Variants in TRIM71 observed in about 807,000 individuals in gnomAD.
TRIM71 encodes the protein E3 ubiquitin-protein ligase TRIM71.
In TRIM71, 9 loss-of-function variants were observed where a neutral mutation model predicts 61.2. That is an observed-to-expected ratio of 0.15 (90% CI 0.09 to 0.26). The LOEUF (loss-of-function observed/expected upper bound fraction) is 0.26, where lower values mean the gene tolerates loss of function less well. TRIM71 is among the 10% of genes least tolerant of loss of function. The pLI is 1.00. For synonymous variants in TRIM71, 645 were observed against 553.2 expected (o/e 1.17, Z -2.33); for missense variants, 998 against 1,238.7 (o/e 0.81, Z 2.92).
At chr3:32,881,202 A>G (rs143465693) in intron 2 of TRIM71, among the ~76,000 whole-genome samples, 336 of 152,172 alleles carry the variant, frequency 2.2e-3, no homozygotes, top group African/African-American at 7.9e-3. Context: ...TATCTTCAGT[A>G]GAGACGGGGT....
At chr3:32,862,092 G>A (rs993196218) in intron 1 of TRIM71, among the ~76,000 whole-genome samples, 5 of 152,174 alleles carry the variant, frequency 3.3e-5, no homozygotes, top group African/African-American at 1.2e-4. Flanking sequence ...GGGAGCAGGT[G>A]GGAGGCATTG....
At chr3:32,862,104 C>CT (rs1696675663) in intron 1 of TRIM71, among the ~76,000 whole-genome samples, 1 of 152,040 alleles carries the variant, frequency 6.6e-6, no homozygotes, top group Non-Finnish European at 1.5e-5. Context: ...GAGGCATTGC[C>CT]TAGAAAGGTA....
chr3:32,873,326 G>C (rs947344705), intron 1 of TRIM71, among the ~76,000 whole-genome samples: 1 of 152,150 alleles, frequency 6.6e-6, no homozygotes, highest in Non-Finnish European at 1.5e-5. Context: ...CCTGTGGTGT[G>C]AGGATGGTTG....
At chr3:32,834,400 C>T (rs1285617644) in intron 1 of TRIM71, among the ~76,000 whole-genome samples, 1 of 151,770 alleles carries the variant, frequency 6.6e-6, no homozygotes, top group East Asian at 1.9e-4. Flanking sequence ...CTAAAGTTAT[C>T]TGTCTTATCT....
rs555803138 is a variant in TRIM71, at chr3:32,845,553, C to G, written c.852+26621C>G. Among the ~76,000 whole-genome samples, 11 of 152,166 alleles carry G rather than the reference C, an allele frequency of 7.2e-5. No individual in the cohort carries two copies. In the South Asian group the frequency reaches 2.1e-3, roughly 29 times the overall value. ...CTGGGGGTTACTCACAGGTACAAAC[C>G]CTTTCTTTAACTCAGTGGTCACTAG... On this transcript the variant is annotated intron_variant, in intron 1 of 3. Transcript: ENST00000383763.
At chr3:32,860,212 G>A (rs1575351618) in intron 1 of TRIM71, among the ~76,000 whole-genome samples, 5 of 148,100 alleles carry the variant, frequency 3.4e-5, no homozygotes, top group African/African-American at 1.2e-4. Context: ...AGGCTGGAGT[G>A]CAATGGTGCG....
chr3:32,885,854 G>C, intron 2 of TRIM71, 80 bp from the exon 3 acceptor site: 1 of 1,529,096 alleles, frequency 6.5e-7, no homozygotes, highest in Non-Finnish European at 8.8e-7. Context: ...TTTCAAGTCT[G>C]ACAGAGCAGA....
At chr3:32,860,251 C>G (rs561566830) in intron 1 of TRIM71, among the ~76,000 whole-genome samples, 2 of 151,616 alleles carry the variant, frequency 1.3e-5, no homozygotes, top group East Asian at 1.9e-4. Flanking sequence ...CTCCACTTCC[C>G]GGGTTCAAGC....
At chr3:32,826,145 A>AC (rs1240103202) in intron 1 of TRIM71, among the ~76,000 whole-genome samples, 1 of 152,162 alleles carries the variant, frequency 6.6e-6, no homozygotes, top group Non-Finnish European at 1.5e-5. Context: ...AATGAAATGA[A>AC]ATGGGGGAAG....
intron 1 of TRIM71, among the ~76,000 whole-genome samples, chr3:32,857,804 G>C (rs1399366539): frequency 3.3e-5 from 5 of 152,070 alleles, no homozygotes; most frequent in Admixed American, 2.6e-4. Context: ...AACCGTGTCT[G>C]TACTAAAAAC....
In TRIM71 at chr3:32,824,969, A is replaced by G. The variant is rs1426977942; in HGVS notation, c.852+6037A>G. On this transcript the variant is annotated intron_variant, in intron 1 of 3. Coordinates refer to ENST00000383763, the MANE Select transcript of TRIM71 (RefSeq NM_001039111.3). ...GCCACCATGCCTGGCTAATTTTTGT[A>G]TTTTTAGTGGAGACGGTGTTTCACC... Among the ~76,000 whole-genome samples the G allele has an allele frequency of 2.6e-5, 4 of 151,598 alleles. No individual in the cohort carries two copies. In the East Asian group the frequency reaches 7.8e-4, roughly 30 times the overall value.
chr3:32,880,880 T>C (rs1287108236), intron 2 of TRIM71, among the ~76,000 whole-genome samples: 1 of 152,210 alleles, frequency 6.6e-6, no homozygotes, highest in Non-Finnish European at 1.5e-5. Context: ...TCAATTACTA[T>C]ATTTCATCAC....
chr3:32,855,940 GTTGGTGCTGACTTAGGCAGAGC>G (rs1696598509), intron 1 of TRIM71, among the ~76,000 whole-genome samples: 1 of 152,228 alleles, frequency 6.6e-6, no homozygotes, highest in African/African-American at 2.4e-5. Flanking sequence ...GGAGTTCATT[GTTGGTGCTGACTTAGGCAGAGC>G]TAGAAGGTAC....
chr3:32,871,400 T>TGTTAGAAGCAGGGAGGCCACCCGAA (rs1696793799), intron 1 of TRIM71, among the ~76,000 whole-genome samples: 1 of 152,204 alleles, frequency 6.6e-6, no homozygotes, highest in South Asian at 2.1e-4. Context: ...GTTGCTTAGC[T>TGTTAGAAGCAGGGAGGCCACCCGAA]GTTAGAAGCA....
intron 1 of TRIM71, among the ~76,000 whole-genome samples, chr3:32,853,794 G>T (rs1045040183): frequency 2.0e-5 from 3 of 152,136 alleles, no homozygotes; most frequent in African/African-American, 4.8e-5. Context: ...ATCACTTGAG[G>T]CCAGGAGTTT....
At chr3:32,836,149 T>TG (rs1433843967) in intron 1 of TRIM71, among the ~76,000 whole-genome samples, 1 of 152,130 alleles carries the variant, frequency 6.6e-6, no homozygotes, top group East Asian at 1.9e-4. Context: ...TCTAGAACCC[T>TG]GGAGAGGCAC....
chr3:32,823,737 C>T (rs953893976), intron 1 of TRIM71, among the ~76,000 whole-genome samples: 3 of 145,948 alleles, frequency 2.1e-5, no homozygotes, highest in African/African-American at 7.7e-5. Flanking sequence ...CCATTGCACT[C>T]CAGCCTGGGT....
intron 1 of TRIM71, among the ~76,000 whole-genome samples, chr3:32,861,739 G>A (rs1178866799): frequency 1.3e-5 from 2 of 152,118 alleles, no homozygotes; most frequent in African/African-American, 4.8e-5. Context: ...CTGGGAGAGT[G>A]TGTCTGGCTT....
chr3:32,831,156 G>A (rs1278517919), intron 1 of TRIM71, among the ~76,000 whole-genome samples: 6 of 152,150 alleles, frequency 3.9e-5, no homozygotes, highest in Non-Finnish European at 5.9e-5. Context: ...GTGGGGGACC[G>A]TGGGGGATTT....
Sources: gnomAD v4.1 joint callset for allele counts (sites outside exome capture counted in the v4.1 genomes callset) on GRCh38, gnomAD v4.1.1 for gene constraint, MANE v1.5 for transcripts, NCBI Gene and HGNC (gene_info 2026-07-23, HGNC 2026-07-21) for gene names.